Variants in CTNNA3 observed in about 807,000 individuals in gnomAD.
The protein encoded by CTNNA3 is catenin alpha 3.
A neutral mutation model predicts 95.7 loss-of-function variants in CTNNA3; 76 were observed. The ratio of observed to expected loss-of-function variants is 0.79; its 90% CI spans 0.66 to 0.96. The LOEUF (loss-of-function observed/expected upper bound fraction) is 0.96, where lower values mean the gene tolerates loss of function less well. Ranked by LOEUF, CTNNA3 falls within the 40% of genes least tolerant of loss-of-function variation. The probability of loss-of-function intolerance (pLI) is 0.00; values close to 1 mark genes in which losing one functional copy is unlikely to be tolerated. For missense variants in CTNNA3, 1,191 were observed against 1,089.8 expected, an observed-to-expected ratio of 1.09 and a Z score of -1.31; for synonymous variants, 431 against 374.4, an observed-to-expected ratio of 1.15 and a Z score of -1.74.
chr10:67,424,760 G>T (rs1051596730), intron 5 of CTNNA3, among the ~76,000 whole-genome samples: 5 of 151,816 alleles, frequency 3.3e-5, no homozygotes, highest in African/African-American at 1.2e-4. Flanking sequence ...TATGCTCATC[G>T]ACTAAATTGT....
intron 5 of CTNNA3, among the ~76,000 whole-genome samples, chr10:67,229,261 T>C (rs1865075732): frequency 6.6e-6 from 1 of 151,992 alleles, no homozygotes; most frequent in Non-Finnish European, 1.5e-5. Flanking sequence ...TTTGACAAAA[T>C]CCAGGATCCA....
At chr10:67,086,480 C>T (rs1417101876) in intron 7 of CTNNA3, among the ~76,000 whole-genome samples, 4 of 152,000 alleles carry the variant, frequency 2.6e-5, no homozygotes, top group Non-Finnish European at 4.4e-5. Context: ...ATGTCAGCTG[C>T]TTGGGTTCAG....
At chr10:66,243,245 A>G (rs2090176321) in intron 13 of CTNNA3, among the ~76,000 whole-genome samples, 1 of 152,226 alleles carries the variant, frequency 6.6e-6, no homozygotes, top group Admixed American at 6.5e-5. Context: ...TCTTCGATAT[A>G]TCTTTAAACA....
intron 13 of CTNNA3, among the ~76,000 whole-genome samples, chr10:66,133,445 G>A (rs914393247): frequency 6.6e-6 from 1 of 151,972 alleles, no homozygotes; most frequent in Non-Finnish European, 1.5e-5. Context: ...AATGGGGGTT[G>A]GAGGTTGCAG....
At chr10:66,600,099 T>C (rs977735010) in intron 10 of CTNNA3, among the ~76,000 whole-genome samples, 2 of 151,890 alleles carry the variant, frequency 1.3e-5, no homozygotes, top group Admixed American at 6.6e-5. Context: ...GTTGCTGAGA[T>C]AGAACCTCAA....
chr10:66,597,507 C>CAT (rs1364695697), intron 10 of CTNNA3, among the ~76,000 whole-genome samples: 103 of 79,582 alleles, frequency 1.3e-3, no homozygotes, highest in African/African-American at 2.9e-3. Flanking sequence ...CATTTTATTT[C>CAT]ATACATATAT....
intron 7 of CTNNA3, among the ~76,000 whole-genome samples, chr10:66,787,423 G>T (rs79721673): frequency 0.09 from 13,722 of 152,122 alleles, 807 homozygotes; most frequent in Non-Finnish European, 0.13. Context: ...TACTTAGGGG[G>T]TGAGGTTGGA....
chr10:67,274,185 T>C (rs995689445), intron 5 of CTNNA3, among the ~76,000 whole-genome samples: 1 of 152,176 alleles, frequency 6.6e-6, no homozygotes, highest in Non-Finnish European at 1.5e-5. Context: ...TAGTTCAGCT[T>C]CATGCTGTTT....
chr10:66,178,464 G>C (rs1020785636), intron 13 of CTNNA3, among the ~76,000 whole-genome samples: 2 of 77,498 alleles, frequency 2.6e-5, no homozygotes, highest in Non-Finnish European at 5.1e-5. Flanking sequence ...TATAGAAAGA[G>C]AGAGGTACAT....
intron 5 of CTNNA3, among the ~76,000 whole-genome samples, chr10:67,499,944 T>G (rs558354568): frequency 2.2e-4 from 34 of 152,314 alleles, no homozygotes; most frequent in African/African-American, 7.9e-4. Flanking sequence ...AGTTCCGCTC[T>G]GATCTTAGTT....
chr10:67,752,528 G>A (rs1339888130), intron 1 of CTNNA3, among the ~76,000 whole-genome samples: 2 of 152,204 alleles, frequency 1.3e-5, no homozygotes, highest in Non-Finnish European at 2.9e-5. Flanking sequence ...TAGGAAGAGA[G>A]GAAGTTAAAC....
In CTNNA3 at chr10:67,230,946, C is replaced by T. The variant is rs555952248; in HGVS notation, c.580-11076G>A. On this transcript the variant is annotated intron_variant, in intron 5 of 17. Transcript: ENST00000433211. ...CCTGGAAGATCGGGTCACTCCCACC[C>T]GAATACTGCGCTTTTCCGACGGGCT... Among the ~76,000 whole-genome samples, 75 of 152,288 alleles carry T rather than the reference C, an allele frequency of 4.9e-4. 1 individual carries two copies. Among genetic ancestry groups the T allele is most frequent in the Admixed American group, 1.6e-3 (25 of 15,306 alleles).
Position 67,638,685 on chromosome 10 carries a change from A to G in CTNNA3, c.99+8730T>C, listed in dbSNP as rs539203987. Among the ~76,000 whole-genome samples, 489 of 152,350 alleles carry G rather than the reference A, an allele frequency of 3.2e-3. 1 individual carries two copies. Among genetic ancestry groups the G allele is most frequent in the African/African-American group, 0.011 (468 of 41,574 alleles). On this transcript the variant is annotated intron_variant, in intron 2 of 17. Coordinates refer to ENST00000433211, the MANE Select transcript of CTNNA3 (RefSeq NM_013266.4). ...TCTCAGACCACAGTGCAATCAAACT[A>G]GAACTCAGGATTAAGAAACTCACTC... is the stretch of plus-strand genomic sequence containing the variant.
At chr10:66,340,131 A>G (rs1327028156) in intron 12 of CTNNA3, among the ~76,000 whole-genome samples, 3 of 151,836 alleles carry the variant, frequency 2.0e-5, no homozygotes, top group South Asian at 4.1e-4. Flanking sequence ...CTAAATTGTC[A>G]TCTCTTGCCT....
chr10:66,083,094 A>G (rs1302811597), intron 14 of CTNNA3, among the ~76,000 whole-genome samples: 2 of 152,148 alleles, frequency 1.3e-5, no homozygotes, highest in African/African-American at 4.8e-5. Flanking sequence ...TGAGGGCTTA[A>G]GTAAACAAGA....
At chr10:67,670,848 C>T (rs77421763) in intron 1 of CTNNA3, among the ~76,000 whole-genome samples, 1,845 of 152,196 alleles carry the variant, frequency 0.012, 40 homozygotes, top group African/African-American at 0.042. Flanking sequence ...TTTACATATG[C>T]TATATACGTC....
rs76316234 is a variant in CTNNA3 at position 66,062,064 on chromosome 10, T to C, written c.2159+7244A>G. Among the ~76,000 whole-genome samples, 908 of 152,240 alleles carry C rather than the reference T, an allele frequency of 6.0e-3. 9 individuals carry two copies. The highest frequency in any genetic ancestry group is 9.4e-3 in the Non-Finnish European group (638 of 68,008). ...AAAATTAACTTTGCTTGTGTGTCCT[T>C]GGGCAATTTATCTGACCTCTATTTC... On this transcript the variant is annotated intron_variant, in intron 15 of 17. Transcript: ENST00000433211.
chr10:66,509,954 T>C (rs1262594939), intron 11 of CTNNA3, among the ~76,000 whole-genome samples: 1 of 152,008 alleles, frequency 6.6e-6, no homozygotes, highest in East Asian at 1.9e-4. Flanking sequence ...GTTATTTTGA[T>C]AAGGATTGCA....
intron 11 of CTNNA3, among the ~76,000 whole-genome samples, chr10:66,455,045 T>C (rs2093487312): frequency 6.8e-6 from 1 of 147,046 alleles, no homozygotes; most frequent in Admixed American, 6.8e-5. Context: ...TCAGGAAAAA[T>C]ATGTAAAATT....
Sources: allele counts gnomAD v4.1 joint callset (sites outside exome capture counted in the v4.1 genomes callset), GRCh38; gene constraint gnomAD v4.1.1; transcripts MANE v1.5; gene names NCBI Gene and HGNC (gene_info 2026-07-23, HGNC 2026-07-21).